The following SRBD1 variants were observed in gnomAD, a reference collection of about 807,000 sequenced individuals.
SRBD1 encodes the protein S1 RNA binding domain 1, also known as S1 RNA-binding domain-containing protein 1.
SRBD1 carries 88 observed loss-of-function variants against 115.3 expected under a neutral mutation model. That is an observed-to-expected ratio of 0.76 (90% CI 0.64 to 0.91). The LOEUF (loss-of-function observed/expected upper bound fraction) is 0.91, where lower values mean the gene tolerates loss of function less well. Among genes scored for constraint, SRBD1 ranks in the 40% least tolerant of loss-of-function variants. The pLI is 0.00. For synonymous variants in SRBD1, 509 were observed against 407.7 expected, an observed-to-expected ratio of 1.25 and a Z score of -2.99; for missense variants, 1,385 against 1,177.4, an observed-to-expected ratio of 1.18 and a Z score of -2.58.
chr2:45,554,018 T>A (rs1672391411), intron 10 of SRBD1, among the ~76,000 whole-genome samples: 1 of 152,194 alleles, frequency 6.6e-6, no homozygotes, highest in African/African-American at 2.4e-5. Context: ...GCCAAAATCT[T>A]AAGATACAAG....
chr2:45,411,777 G>C (rs1411585773), intron 19 of SRBD1, among the ~76,000 whole-genome samples: 4 of 152,186 alleles, frequency 2.6e-5, no homozygotes, highest in African/African-American at 9.7e-5. Context: ...AGTGCAAAGT[G>C]TACCAATGTC....
At chr2:45,488,165 G>T in intron 15 of SRBD1, 75 bp downstream of exon 15, 7 of 1,271,146 alleles carry the variant, frequency 5.5e-6, no homozygotes, top group East Asian at 2.3e-5. Flanking sequence ...TTGATATTTA[G>T]AATATTTAGC....
chr2:45,455,377 G>C (rs998802404), intron 16 of SRBD1, among the ~76,000 whole-genome samples: 1 of 151,832 alleles, frequency 6.6e-6, no homozygotes, highest in Non-Finnish European at 1.5e-5. Flanking sequence ...TGTGATAGTA[G>C]ATTTAGGAAT....
At chr2:45,497,991 G>A (rs1452751209) in intron 14 of SRBD1, among the ~76,000 whole-genome samples, 1 of 152,130 alleles carries the variant, frequency 6.6e-6, no homozygotes, top group Non-Finnish European at 1.5e-5. Flanking sequence ...GCGACAGAGT[G>A]AGATTCCGTC....
chr2:45,564,990 A>C (rs1419942316), intron 9 of SRBD1, among the ~76,000 whole-genome samples: 3 of 152,218 alleles, frequency 2.0e-5, no homozygotes, highest in African/African-American at 7.2e-5. Context: ...AGAAGATCTA[A>C]ATAAATACCC....
intron 1 of SRBD1, among the ~76,000 whole-genome samples, chr2:45,607,828 G>A (rs1176482961): frequency 6.6e-6 from 1 of 152,182 alleles, no homozygotes; most frequent in Admixed American, 6.5e-5. Flanking sequence ...CTGTGGGCAT[G>A]GGAACCATAC....
chr2:45,488,174 G>C, intron 15 of SRBD1, 66 bp downstream of exon 15: 1 of 1,339,244 alleles, frequency 7.5e-7, no homozygotes, highest in South Asian at 1.2e-5. Context: ...AGAATATTTA[G>C]CATGCCACAC....
intron 10 of SRBD1, among the ~76,000 whole-genome samples, chr2:45,557,070 C>T (rs1672503130): frequency 6.6e-6 from 1 of 151,856 alleles, no homozygotes; most frequent in African/African-American, 2.4e-5. Context: ...GAAATTATAG[C>T]ATATGTAAAA....
At chr2:45,573,855 T>C (rs1246709875) in intron 8 of SRBD1, among the ~76,000 whole-genome samples, 1 of 152,186 alleles carries the variant, frequency 6.6e-6, no homozygotes, top group Admixed American at 6.6e-5. Context: ...CTGGAGCCAC[T>C]GAGAAAATAC....
At chr2:45,558,820 T>G (rs970610631) in intron 10 of SRBD1, among the ~76,000 whole-genome samples, 1 of 151,590 alleles carries the variant, frequency 6.6e-6, no homozygotes. Flanking sequence ...GCCTCCCAAG[T>G]AGCTGGGGTT....
chr2:45,440,808 G>A (rs1378801563), intron 16 of SRBD1, among the ~76,000 whole-genome samples: 2 of 152,142 alleles, frequency 1.3e-5, no homozygotes, highest in Non-Finnish European at 2.9e-5. Flanking sequence ...CAGAAAGAGA[G>A]AGACAGAAAT....
chr2:45,609,371 C>T (rs534347585), intron 1 of SRBD1, among the ~76,000 whole-genome samples: 1 of 152,302 alleles, frequency 6.6e-6, no homozygotes, highest in African/African-American at 2.4e-5. Context: ...TTCAGTGAGC[C>T]TTTAGTCCTC....
At chr2:45,447,104 T>C (rs1416834005) in intron 16 of SRBD1, 1 of 152,240 alleles carries the variant, frequency 6.6e-6, no homozygotes, top group Admixed American at 6.5e-5. Flanking sequence ...AAGCAGAAAT[T>C]ACTTCTGTGA....
chr2:45,549,299 G>GT (rs869156250), intron 12 of SRBD1, among the ~76,000 whole-genome samples: 101 of 132,146 alleles, frequency 7.6e-4, no homozygotes, highest in Middle Eastern at 3.8e-3. Flanking sequence ...TCCACACAGA[G>GT]TTTTTTTTTT....
In SRBD1 at chr2:45,547,609, T is replaced by C. The variant is rs145134331; in HGVS notation, c.1679A>G (p.Gln560Arg). ...GTAAACCACATCAGTATGAAGTATC[T>C]GACCTTTAAAAAATGAAAAGAATAA... ...CKLAIISPTSQILHTDVVYLH... is the reference protein window; with the variant it reads ...CKLAIISPTSRILHTDVVYLH... Residue 560 changes from glutamine to arginine, a missense_variant, in exon 13 of 21, where the codon CAG becomes CGG. Transcript: ENST00000263736. The C allele has an allele frequency of 3.1e-4, 494 of 1,606,958 alleles. No homozygotes were observed. Among genetic ancestry groups the C allele is most frequent in the Non-Finnish European group, 4.0e-4 (475 of 1,177,770 alleles).
intron 16 of SRBD1, among the ~76,000 whole-genome samples, chr2:45,441,933 G>A (rs923188465): frequency 2.6e-5 from 4 of 152,108 alleles, no homozygotes; most frequent in Non-Finnish European, 4.4e-5. Flanking sequence ...ATACTTTCTG[G>A]GTAGGTTTTT....
intron 10 of SRBD1, among the ~76,000 whole-genome samples, chr2:45,557,128 A>G (rs1452120642): frequency 6.6e-6 from 1 of 152,210 alleles, no homozygotes; most frequent in Non-Finnish European, 1.5e-5. Context: ...CTATAAGGTT[A>G]GCGCTTCTAG....
chr2:45,502,596 C>T (rs1325784236), intron 14 of SRBD1, among the ~76,000 whole-genome samples: 4 of 151,816 alleles, frequency 2.6e-5, no homozygotes, highest in South Asian at 2.1e-4. Flanking sequence ...AAACCATACA[C>T]CGCATGTTCT....
chr2:45,538,444 C>G (rs931603252), intron 14 of SRBD1, among the ~76,000 whole-genome samples: 2 of 152,194 alleles, frequency 1.3e-5, no homozygotes, highest in Non-Finnish European at 2.9e-5. Context: ...TCCCGATAAA[C>G]TAACCTGCAA....
Sources: gnomAD v4.1 joint callset for allele counts (sites outside exome capture counted in the v4.1 genomes callset) on GRCh38, gnomAD v4.1.1 for gene constraint, MANE v1.5 for transcripts, NCBI Gene and HGNC (gene_info 2026-07-23, HGNC 2026-07-21) for gene names.